SLC14A2: variants seen among roughly 807,000 people sequenced by gnomAD.
The protein encoded by SLC14A2 is solute carrier family 14 member 2, also known as urea transporter 2.
Under a neutral mutation model 104.6 loss-of-function variants are expected in SLC14A2, and 91 were observed. The ratio of observed to expected loss-of-function variants is 0.87; its 90% CI spans 0.73 to 1.04. SLC14A2 has a LOEUF of 1.04. Among genes scored for constraint, SLC14A2 ranks in the 50% least tolerant of loss-of-function variants. The pLI is 0.00. For synonymous variants in SLC14A2, 476 were observed against 466.4 expected, an observed-to-expected ratio of 1.02 and a Z score of -0.27; for missense variants, 1,189 against 1,156.0, an observed-to-expected ratio of 1.03 and a Z score of -0.41.
chr18:45,637,699 A>G (rs2045444601), intron 6 of SLC14A2, among the ~76,000 whole-genome samples: 1 of 152,158 alleles, frequency 6.6e-6, no homozygotes, highest in Non-Finnish European at 1.5e-5. Flanking sequence ...CAATGTCTGG[A>G]GACATTTTTA....
intron 1 of SLC14A2, among the ~76,000 whole-genome samples, chr18:45,295,597 A>G (rs2144177577): frequency 6.6e-6 from 1 of 152,280 alleles, no homozygotes; most frequent in East Asian, 1.9e-4. Context: ...AAGAATCAGC[A>G]CATTTCTCGG....
intron 1 of SLC14A2, among the ~76,000 whole-genome samples, chr18:45,234,682 T>G (rs1480421942): frequency 6.6e-6 from 1 of 152,072 alleles, no homozygotes; most frequent in Non-Finnish European, 1.5e-5. Context: ...CAAGCATGCT[T>G]TGTCCTTAAT....
At chr18:45,316,699 G>A (rs1275792557) in intron 1 of SLC14A2, among the ~76,000 whole-genome samples, 1 of 152,146 alleles carries the variant, frequency 6.6e-6, no homozygotes. Context: ...TCTGGCCTTT[G>A]CAGTCACCAA....
At chr18:45,204,072 T>C in the SLC14A2 span, among the ~76,000 whole-genome samples, 1 of 152,182 alleles carries the variant, frequency 6.6e-6, no homozygotes, top group African/African-American at 2.4e-5. Flanking sequence ...ATATATGATA[T>C]GTGATAATTG....
intron 2 of SLC14A2, among the ~76,000 whole-genome samples, chr18:45,572,891 T>G (rs1413265261): frequency 2.0e-5 from 3 of 152,210 alleles, no homozygotes; most frequent in Non-Finnish European, 4.4e-5. Flanking sequence ...AAAAAAATTC[T>G]ATAAGGATGA....
intron 1 of SLC14A2, among the ~76,000 whole-genome samples, chr18:45,359,010 A>C (rs2085583624): frequency 6.6e-6 from 1 of 152,192 alleles, no homozygotes; most frequent in African/African-American, 2.4e-5. Context: ...CAAGTTAATA[A>C]ACATCTGCAA....
At chr18:45,596,771 T>A (rs1441503503) in intron 2 of SLC14A2, among the ~76,000 whole-genome samples, 1 of 152,212 alleles carries the variant, frequency 6.6e-6, no homozygotes, top group Admixed American at 6.5e-5. Flanking sequence ...ATTATGAAAC[T>A]TAATACAGCT....
chr18:45,229,398 G>C (rs2084152275), intron 1 of SLC14A2, among the ~76,000 whole-genome samples: 1 of 149,198 alleles, frequency 6.7e-6, no homozygotes, highest in African/African-American at 2.5e-5. Context: ...GATCCCCGTA[G>C]GTTTTTTGTT....
chr18:45,283,770 G>A (rs779460478), intron 1 of SLC14A2, among the ~76,000 whole-genome samples: 22 of 151,908 alleles, frequency 1.4e-4, no homozygotes, highest in Admixed American at 2.0e-4. Flanking sequence ...ATGCCCCCTC[G>A]TGGGTTCTTG....
the SLC14A2 span, among the ~76,000 whole-genome samples, chr18:45,202,429 A>G: frequency 6.6e-6 from 1 of 152,200 alleles, no homozygotes; most frequent in South Asian, 2.1e-4. Context: ...GAAACAGTGA[A>G]TACAAGTGAG....
At chr18:45,298,359 G>T (rs1412372760) in intron 1 of SLC14A2, among the ~76,000 whole-genome samples, 1 of 152,152 alleles carries the variant, frequency 6.6e-6, no homozygotes, top group African/African-American at 2.4e-5. Context: ...TTGCTTGCTT[G>T]TTTCCCCTTT....
intron 1 of SLC14A2, among the ~76,000 whole-genome samples, chr18:45,262,120 T>C (rs980410421): frequency 1.1e-4 from 17 of 152,344 alleles, no homozygotes; most frequent in African/African-American, 4.1e-4. Flanking sequence ...TGAGATGGTA[T>C]CTCATTGTGG....
At chr18:45,524,456 G>A (rs1207473489) in intron 2 of SLC14A2, among the ~76,000 whole-genome samples, 2 of 152,174 alleles carry the variant, frequency 1.3e-5, no homozygotes, top group African/African-American at 4.8e-5. Flanking sequence ...GCCCTTGATG[G>A]GGTGTGGGAC....
At chr18:45,494,277 T>A (rs1211329522) in intron 2 of SLC14A2, among the ~76,000 whole-genome samples, 2 of 152,204 alleles carry the variant, frequency 1.3e-5, no homozygotes, top group African/African-American at 4.8e-5. Context: ...CATGGTCCCT[T>A]CCTCAACTCA....
chr18:45,534,361 GA>G (rs1391425845), intron 2 of SLC14A2, among the ~76,000 whole-genome samples: 1 of 151,854 alleles, frequency 6.6e-6, no homozygotes, highest in Non-Finnish European at 1.5e-5. Context: ...TAGTCAAAAG[GA>G]AAAAAACCCC....
At chr18:45,507,487 C>A (rs1172573849) in intron 2 of SLC14A2, 1 of 152,128 alleles carries the variant, frequency 6.6e-6, no homozygotes, top group East Asian at 1.9e-4. Context: ...CCAGGCTGAC[C>A]CTCAGGTCAC....
intron 2 of SLC14A2, among the ~76,000 whole-genome samples, chr18:45,557,152 C>A (rs2044143798): frequency 6.6e-6 from 1 of 152,182 alleles, no homozygotes; most frequent in African/African-American, 2.4e-5. Flanking sequence ...AGTTTTGCTG[C>A]CATGGAAGCA....
At chr18:45,195,019 GA>G in the SLC14A2 span, among the ~76,000 whole-genome samples, 2 of 152,174 alleles carry the variant, frequency 1.3e-5, no homozygotes, top group African/African-American at 4.8e-5. Flanking sequence ...GGCAGAGAAA[GA>G]AGAAACTTCT....
chr18:45,175,925 G>T, the SLC14A2 span, among the ~76,000 whole-genome samples: 2 of 152,110 alleles, frequency 1.3e-5, no homozygotes, highest in Non-Finnish European at 2.9e-5. Context: ...CAAGTATCTG[G>T]TCAAATAAAT....
Sources: gnomAD v4.1 joint callset for allele counts (sites outside exome capture counted in the v4.1 genomes callset) on GRCh38, gnomAD v4.1.1 for gene constraint, MANE v1.5 for transcripts, NCBI Gene and HGNC (gene_info 2026-07-23, HGNC 2026-07-21) for gene names.